Variants in HACD1 observed in about 807,000 individuals in gnomAD.
HACD1 encodes the protein 3-hydroxyacyl-CoA dehydratase 1, also known as very-long-chain (3R)-3-hydroxyacyl-CoA dehydratase 1.
A neutral mutation model predicts 32.0 loss-of-function variants in HACD1; 41 were observed. The observed-to-expected ratio is 1.28, with a 90% CI of 1.00 to 1.66. The LOEUF is 1.66. Among genes scored for constraint, HACD1 ranks in the 40% most tolerant of loss-of-function variants. The probability of loss-of-function intolerance (pLI) is 0.00; values close to 1 mark genes in which losing one functional copy is unlikely to be tolerated. For synonymous variants in HACD1, 142 were observed against 139.0 expected (o/e 1.02, Z -0.15); for missense variants, 396 against 380.1 (o/e 1.04, Z -0.35).
chr10:17,606,179 AAG>A (rs1208281984), intron 1 of HACD1, among the ~76,000 whole-genome samples: 2 of 152,112 alleles, frequency 1.3e-5, no homozygotes, highest in Admixed American at 6.6e-5. Flanking sequence ...CAAAAAAAAC[AAG>A]AGAGAGAGAA....
intron 1 of HACD1, among the ~76,000 whole-genome samples, chr10:17,608,604 A>G (rs1233117821): frequency 6.6e-6 from 1 of 151,694 alleles, no homozygotes; most frequent in Non-Finnish European, 1.5e-5. Flanking sequence ...CTCGTGCCTT[A>G]GCCTCCCAAG....
intron 4 of HACD1, among the ~76,000 whole-genome samples, chr10:17,601,450 C>T (rs1414803490): frequency 3.3e-5 from 5 of 152,090 alleles, no homozygotes; most frequent in African/African-American, 7.2e-5. Context: ...GGGAAACTAT[C>T]GTCAGCAAAA....
At chr10:17,599,665 C>T (rs1229495417) in intron 4 of HACD1, among the ~76,000 whole-genome samples, 1 of 152,194 alleles carries the variant, frequency 6.6e-6, no homozygotes, top group Non-Finnish European at 1.5e-5. Context: ...GGAAATAACG[C>T]TATCATCAGA....
chr10:17,597,086 T>G (rs1834004188), intron 5 of HACD1, among the ~76,000 whole-genome samples: 1 of 152,230 alleles, frequency 6.6e-6, no homozygotes, highest in African/African-American at 2.4e-5. Context: ...TGACAAAGTA[T>G]TATGTAACAT....
At chr10:17,591,356 T>C in intron 6 of HACD1, among the ~76,000 whole-genome samples, 1 of 152,058 alleles carries the variant, frequency 6.6e-6, no homozygotes, top group African/African-American at 2.4e-5. Flanking sequence ...GCCCTCTGGG[T>C]AGCAAATTCC....
At chr10:17,611,603 T>G (rs1220336607) in intron 1 of HACD1, among the ~76,000 whole-genome samples, 2 of 152,184 alleles carry the variant, frequency 1.3e-5, no homozygotes, top group African/African-American at 2.4e-5. Context: ...CACAAAAGTA[T>G]TTGTCAGAAA....
At chr10:17,610,096 G>A (rs2131519944) in intron 1 of HACD1, among the ~76,000 whole-genome samples, 1 of 151,874 alleles carries the variant, frequency 6.6e-6, no homozygotes, top group South Asian at 2.1e-4. Flanking sequence ...TTCGTACATA[G>A]ACATGTACAT....
In HACD1 at chr10:17,590,475, C is replaced by T. The variant is rs1833914865; in HGVS notation, c.785-29G>A. 1.0e-5 allele frequency: 15 copies of T among 1,483,966 alleles called. 1 individual carries two copies. In the East Asian group the frequency reaches 3.4e-4, roughly 34 times the overall value. The allele number at this position is 1,483,966 out of a possible 1,614,324, so 91.9% of individuals were successfully genotyped here. On this transcript the variant is annotated intron_variant, in intron 6 of 6. Transcript: ENST00000361271. ...CATTGAAAAAGAAAACAAAGAAAAA[C>T]AAGCTATTGCTTTAAAATTATTTAT...
At chr10:17,612,764 CA>C (rs1379795238) in intron 1 of HACD1, among the ~76,000 whole-genome samples, 1 of 150,508 alleles carries the variant, frequency 6.6e-6, no homozygotes, top group Non-Finnish European at 1.5e-5. Context: ...ACTAAAAATC[CA>C]AAAAAAATTA....
intron 6 of HACD1, among the ~76,000 whole-genome samples, chr10:17,592,332 A>G (rs1249032955): frequency 1.3e-5 from 2 of 152,150 alleles, no homozygotes; most frequent in African/African-American, 4.8e-5. Flanking sequence ...ATCTTAATGT[A>G]AATGAGAAAT....
intron 1 of HACD1, 38 bp downstream of exon 1, chr10:17,617,045 C>A (rs782185047): frequency 7.2e-7 from 1 of 1,387,456 alleles, no homozygotes; most frequent in Non-Finnish European, 9.3e-7. Context: ...CGGACCGCGG[C>A]GCGGGGAGGG....
At chr10:17,603,317 A>G in intron 4 of HACD1, 1 of 370,816 alleles carries the variant, frequency 2.7e-6, no homozygotes, top group Non-Finnish European at 4.8e-6. Context: ...ACTGATTTCA[A>G]AAACTGGAAA....
Position 17,611,732 on chromosome 10 carries a change from C to T in HACD1, c.257+5351G>A, listed in dbSNP as rs184136635. Reference sequence around the variant, plus strand: ...CTATAATCCCAGCACTTTGGGAGGCCGAGGCAGGCAGATCACGAGGTTAGG... The same window carrying T: ...CTATAATCCCAGCACTTTGGGAGGCTGAGGCAGGCAGATCACGAGGTTAGG... On this transcript the variant is annotated intron_variant, in intron 1 of 6. Transcript: ENST00000361271. 4.6e-3 allele frequency among the ~76,000 whole-genome samples: 695 copies of T among 151,948 alleles called. 2 individuals are homozygous for T. Among genetic ancestry groups the T allele is most frequent in the African/African-American group, 0.015 (631 of 41,444 alleles).
At chr10:17,604,294 G>A (rs1243572991) in intron 1 of HACD1, among the ~76,000 whole-genome samples, 5 of 152,016 alleles carry the variant, frequency 3.3e-5, no homozygotes, top group African/African-American at 9.7e-5. Flanking sequence ...GACCATCCTG[G>A]CTAACACGGT....
chr10:17,593,489 T>G (rs1554815752), intron 6 of HACD1, among the ~76,000 whole-genome samples: 1 of 152,148 alleles, frequency 6.6e-6, no homozygotes, highest in African/African-American at 2.4e-5. Context: ...TTAATTTCTG[T>G]ATTTTAGTAG....
In HACD1 at chr10:17,607,777, T is replaced by C. The variant is rs1834169041; in HGVS notation, c.258-3730A>G. Among the ~76,000 whole-genome samples the C allele has an allele frequency of 2.0e-5, 3 of 152,156 alleles. No homozygotes were observed. In the South Asian group the frequency reaches 6.2e-4, roughly 32 times the overall value. ...AAAGAAATTGACAGGCTCAGGGATT[T>C]GAAAGGACCCATCGAAACATCTATT... On this transcript the variant is annotated intron_variant, in intron 1 of 6. Transcript: ENST00000361271.
At chr10:17,606,973 C>T (rs2357287) in intron 1 of HACD1, among the ~76,000 whole-genome samples, 16,957 of 152,112 alleles carry the variant, frequency 0.11, 1,005 homozygotes, top group East Asian at 0.24. Context: ...CCACTAAGCT[C>T]GGAGTATATG....
rs189072718 is a variant in HACD1, at chr10:17,612,617, T to C, written c.257+4466A>G. Among the ~76,000 whole-genome samples, 1,093 of 152,266 alleles carry C rather than the reference T, an allele frequency of 7.2e-3. 4 individuals are homozygous for C. The highest frequency in any genetic ancestry group is 0.016 in the South Asian group (75 of 4,832). Reference sequence around the variant, plus strand: ...TAAGGCCTCCTTGAGAATGAAGTTTTGAGTAAAAACTTGGAAGAGGGGGCC... The same window carrying C: ...TAAGGCCTCCTTGAGAATGAAGTTTCGAGTAAAAACTTGGAAGAGGGGGCC... On this transcript the variant is annotated intron_variant, in intron 1 of 6. Transcript: ENST00000361271.
chr10:17,596,943 A>T (rs1000737602), intron 5 of HACD1, among the ~76,000 whole-genome samples: 6 of 152,220 alleles, frequency 3.9e-5, no homozygotes, highest in Non-Finnish European at 8.8e-5. Context: ...TTCGAGAATG[A>T]CAGCTTCAAC....
Sources: allele counts gnomAD v4.1 joint callset (sites outside exome capture counted in the v4.1 genomes callset), GRCh38; gene constraint gnomAD v4.1.1; transcripts MANE v1.5; gene names NCBI Gene and HGNC (gene_info 2026-07-23, HGNC 2026-07-21).